The following CREM variants were observed in gnomAD, a reference collection of about 807,000 sequenced individuals.
CREM encodes the protein cAMP-responsive element modulator.
CREM carries 13 observed loss-of-function variants against 37.3 expected under a neutral mutation model. The observed-to-expected ratio is 0.35, with a 90% CI of 0.23 to 0.55. The LOEUF (loss-of-function observed/expected upper bound fraction) is 0.55. Among genes scored for constraint, CREM ranks in the 20% least tolerant of loss-of-function variants. The pLI, the probability that CREM is intolerant of heterozygous loss-of-function variation, is 0.88. For synonymous variants in CREM, 124 were observed against 120.2 expected (o/e 1.03, Z -0.21); for missense variants, 296 against 362.3 (o/e 0.82, Z 1.49).
intron 3 of CREM, chr10:35,175,610 C>T (rs141314816): frequency 3.0e-5 from 46 of 1,536,598 alleles, no homozygotes; most frequent in Admixed American, 8.4e-5. Context: ...TCTTAGCCAC[C>T]GAAGTATGGG....
At chr10:35,163,981 A>AAC (rs2093418075) in intron 3 of CREM, among the ~76,000 whole-genome samples, 1 of 152,024 alleles carries the variant, frequency 6.6e-6, no homozygotes, top group African/African-American at 2.4e-5. Context: ...TCTCAAAAAA[A>AAC]AAAAAACAAA....
intron 1 of CREM, among the ~76,000 whole-genome samples, chr10:35,127,928 C>T (rs2088271980): frequency 6.6e-6 from 1 of 152,192 alleles, no homozygotes; most frequent in African/African-American, 2.4e-5. Flanking sequence ...TCACTGCAGC[C>T]TCTGCCTCCT....
At chr10:35,164,782 G>T (rs868253463) in intron 3 of CREM, among the ~76,000 whole-genome samples, 21 of 152,180 alleles carry the variant, frequency 1.4e-4, no homozygotes, top group Non-Finnish European at 8.8e-5. Flanking sequence ...TGGGGCAGTG[G>T]CCCATGCCTG....
chr10:35,165,013 C>T (rs1252945218), intron 3 of CREM, among the ~76,000 whole-genome samples: 1 of 140,108 alleles, frequency 7.1e-6, no homozygotes, highest in Admixed American at 7.6e-5. Context: ...AGCCAGATTG[C>T]ACCACTGCTC....
chr10:35,148,974 A>G lies in CREM; in HGVS notation c.168+483A>G, dbSNP rs76918793. On this transcript the variant is annotated intron_variant, in intron 3 of 7. Coordinates refer to ENST00000685392, the MANE Select transcript of CREM (RefSeq NM_183011.2). ...TTTATTTCTGAGATATCTATTAAAA[A>G]TATAGTAAAAATAAACACATTTGTT... Among the ~76,000 whole-genome samples, 1,133 of 152,350 alleles carry G rather than the reference A, an allele frequency of 7.4e-3. 32 individuals are homozygous for G. In the East Asian group the frequency reaches 0.088, roughly 12 times the overall value.
intron 3 of CREM, among the ~76,000 whole-genome samples, chr10:35,173,805 C>T (rs1448095791): frequency 6.6e-6 from 1 of 152,130 alleles, no homozygotes; most frequent in African/African-American, 2.4e-5. Context: ...TGTTTACCAG[C>T]CCTCTACTGA....
intron 3 of CREM, among the ~76,000 whole-genome samples, chr10:35,169,382 T>C (rs2093696466): frequency 6.6e-6 from 1 of 152,232 alleles, no homozygotes; most frequent in Non-Finnish European, 1.5e-5. Context: ...AGTTCACTCA[T>C]GATTTGGCTG....
chr10:35,147,742 A>G (rs187354592), intron 2 of CREM, among the ~76,000 whole-genome samples: 30 of 152,330 alleles, frequency 2.0e-4, no homozygotes, highest in African/African-American at 7.2e-4. Context: ...CATTCATGCT[A>G]AACAGCAGGG....
chr10:35,163,894 C>T (rs1020374647), intron 3 of CREM, among the ~76,000 whole-genome samples: 8 of 151,174 alleles, frequency 5.3e-5, no homozygotes, highest in Non-Finnish European at 1.2e-4. Context: ...TCAAATTACT[C>T]AGGAGGCTGA....
At chr10:35,163,053 A>G (rs1386692190) in intron 3 of CREM, among the ~76,000 whole-genome samples, 1 of 151,570 alleles carries the variant, frequency 6.6e-6, no homozygotes, top group Non-Finnish European at 1.5e-5. Flanking sequence ...TACAAAAAAA[A>G]AAATTAGCCA....
rs187674449 is a variant in CREM at position 35,198,447 on chromosome 10, C to T, written c.599-8448C>T. Among the ~76,000 whole-genome samples the T allele has an allele frequency of 1.3e-4, 20 of 151,248 alleles. No homozygotes were observed. The East Asian group carries it at 2.7e-3, about 21-fold the overall frequency. ...CTGAGGCAAGAGAATGGCTTGAAAC[C>T]GGGAGGCAGAGATTGCAATGAGCCA... On this transcript the variant is annotated intron_variant, in intron 6 of 7. Coordinates refer to ENST00000685392, the MANE Select transcript of CREM (RefSeq NM_183011.2).
At chr10:35,142,050 A>C (rs934764783) in intron 2 of CREM, among the ~76,000 whole-genome samples, 1 of 152,196 alleles carries the variant, frequency 6.6e-6, no homozygotes, top group South Asian at 2.1e-4. Flanking sequence ...TAGAGGTAGA[A>C]ACCTCTCTAA....
At chr10:35,163,481 C>G (rs933207017) in intron 3 of CREM, among the ~76,000 whole-genome samples, 1 of 151,988 alleles carries the variant, frequency 6.6e-6, no homozygotes, top group African/African-American at 2.4e-5. Flanking sequence ...CACAGGAGTT[C>G]GAGACCAGCC....
chr10:35,159,119 C>T (rs1047743511), intron 3 of CREM, among the ~76,000 whole-genome samples: 1 of 151,852 alleles, frequency 6.6e-6, no homozygotes, highest in African/African-American at 2.4e-5. Flanking sequence ...TAATCTATTC[C>T]TGCTAATGAT....
chr10:35,189,186 TG>T lies in CREM; in HGVS notation c.598+799del, dbSNP rs370057196. 3.6e-4 allele frequency among the ~76,000 whole-genome samples: 53 copies of T among 147,846 alleles called. 1 individual carries two copies. Among genetic ancestry groups the T allele is most frequent in the Admixed American group, 2.1e-3 (31 of 14,854 alleles). On this transcript the variant is annotated intron_variant, in intron 6 of 7. Transcript: ENST00000685392. ...TGACTTTGGGTTTTTTGTTTTTTTT[TG>T]TTTGTTTGTTTTTTTGACTGACTGT...
intron 3 of CREM, among the ~76,000 whole-genome samples, chr10:35,151,952 A>G (rs1180546428): frequency 1.3e-5 from 2 of 152,180 alleles, no homozygotes; most frequent in Admixed American, 6.5e-5. Flanking sequence ...TATGTCTTAC[A>G]AGGAGTAGGA....
chr10:35,142,266 C>T (rs1370316909), intron 2 of CREM, among the ~76,000 whole-genome samples: 1 of 152,214 alleles, frequency 6.6e-6, no homozygotes, highest in Non-Finnish European at 1.5e-5. Flanking sequence ...CAGGAAAAAA[C>T]TGTTAGAGGG....
At chr10:35,131,829 T>A (rs2135403671) in intron 1 of CREM, among the ~76,000 whole-genome samples, 1 of 152,336 alleles carries the variant, frequency 6.6e-6, no homozygotes, top group Non-Finnish European at 1.5e-5. Context: ...ATGTACTTAA[T>A]GTGCAGTAAA....
chr10:35,131,507 G>C (rs1185160133), intron 1 of CREM, among the ~76,000 whole-genome samples: 1 of 152,012 alleles, frequency 6.6e-6, no homozygotes, highest in Non-Finnish European at 1.5e-5. Context: ...TCTTAGCACT[G>C]ATTATGGTGA....
Sources: allele counts gnomAD v4.1 joint callset (sites outside exome capture counted in the v4.1 genomes callset), GRCh38; gene constraint gnomAD v4.1.1; transcripts MANE v1.5; gene names NCBI Gene and HGNC (gene_info 2026-07-23, HGNC 2026-07-21).